The following COBL variants were observed in gnomAD, a reference collection of about 807,000 sequenced individuals.
COBL encodes protein cordon-bleu.
COBL carries 51 observed loss-of-function variants against 98.8 expected under a neutral mutation model. The ratio of observed to expected loss-of-function variants is 0.52; its 90% CI spans 0.41 to 0.65. COBL has a LOEUF of 0.65. Among genes scored for constraint, COBL ranks in the 30% least tolerant of loss-of-function variants. The pLI is 0.00. For missense variants in COBL, 1,617 were observed against 1,617.5 expected, an observed-to-expected ratio of 1.00 and a Z score of 0.01; for synonymous variants, 634 against 651.7, an observed-to-expected ratio of 0.97 and a Z score of 0.41.
chr7:51,219,623 T>C, intron 2 of COBL, 118 bp downstream of exon 2: 4 of 1,067,724 alleles, frequency 3.7e-6, no homozygotes, highest in Non-Finnish European at 5.5e-6. Context: ...ATCCATGAGG[T>C]TCCTGAGGTC....
chr7:51,099,361 T>C (rs942695304), intron 6 of COBL, among the ~76,000 whole-genome samples: 4 of 152,208 alleles, frequency 2.6e-5, no homozygotes, highest in African/African-American at 9.6e-5. Context: ...GCAACATAAA[T>C]ATCTATTGAT....
At chr7:51,212,934 C>T (rs1047569831) in intron 2 of COBL, among the ~76,000 whole-genome samples, 2 of 152,210 alleles carry the variant, frequency 1.3e-5, no homozygotes, top group Admixed American at 6.5e-5. Context: ...GTACCCAGGA[C>T]GTGCACACTT....
intron 10 of COBL, among the ~76,000 whole-genome samples, chr7:51,027,426 C>T (rs531205274): frequency 1.3e-5 from 2 of 152,312 alleles, no homozygotes; most frequent in East Asian, 3.9e-4. Context: ...TTCCTCTGGC[C>T]CTGTGGATGG....
chr7:51,297,024 G>C (rs1441642006), intron 1 of COBL, among the ~76,000 whole-genome samples: 1 of 152,140 alleles, frequency 6.6e-6, no homozygotes, highest in African/African-American at 2.4e-5. Flanking sequence ...TGAATCACCA[G>C]GGAAGCACCC....
chr7:51,293,892 G>C (rs1801140120), intron 1 of COBL, among the ~76,000 whole-genome samples: 1 of 152,128 alleles, frequency 6.6e-6, no homozygotes, highest in African/African-American at 2.4e-5. Flanking sequence ...AGTGCTCCCA[G>C]GTCGTCCCAT....
At chr7:51,249,641 T>C (rs1796545391) in intron 1 of COBL, among the ~76,000 whole-genome samples, 1 of 152,172 alleles carries the variant, frequency 6.6e-6, no homozygotes, top group Non-Finnish European at 1.5e-5. Flanking sequence ...TTACTTTTGC[T>C]CCTCAATAAA....
intron 5 of COBL, among the ~76,000 whole-genome samples, chr7:51,147,663 C>T (rs905599947): frequency 2.0e-5 from 3 of 152,128 alleles, no homozygotes; most frequent in Non-Finnish European, 4.4e-5. Flanking sequence ...TATGACCTAA[C>T]GCCCGCTTGG....
chr7:51,103,492 G>A (rs977360144), intron 6 of COBL, among the ~76,000 whole-genome samples: 37 of 151,990 alleles, frequency 2.4e-4, no homozygotes, highest in African/African-American at 7.5e-4. Flanking sequence ...GGTTCTCTCC[G>A]CCCTTTTTTG....
chr7:51,035,431 A>C (rs1222805806), intron 8 of COBL: 1 of 152,172 alleles, frequency 6.6e-6, no homozygotes, highest in Non-Finnish European at 1.5e-5. Flanking sequence ...TGCTAATGAC[A>C]ACCAAACCAA....
chr7:51,225,680 G>T (rs1794109406), intron 1 of COBL, among the ~76,000 whole-genome samples: 1 of 152,200 alleles, frequency 6.6e-6, no homozygotes, highest in African/African-American at 2.4e-5. Context: ...AGCTCTAAAT[G>T]ATTTTAGCTT....
chr7:51,020,092 T>C (rs1341055461), intron 12 of COBL, among the ~76,000 whole-genome samples: 1 of 152,194 alleles, frequency 6.6e-6, no homozygotes, highest in African/African-American at 2.4e-5. Flanking sequence ...AGACTGGAAC[T>C]CAGTTCAATA....
chr7:51,121,669 A>T (rs1344466019), intron 6 of COBL, among the ~76,000 whole-genome samples: 1 of 152,224 alleles, frequency 6.6e-6, no homozygotes, highest in Non-Finnish European at 1.5e-5. Flanking sequence ...ACCCAGCTTC[A>T]GTTTCCAAAT....
chr7:51,164,692 T>C (rs1787124140), intron 5 of COBL, among the ~76,000 whole-genome samples: 1 of 151,976 alleles, frequency 6.6e-6, no homozygotes. Flanking sequence ...CGGGTAATAG[T>C]AAGAACACAG....
intron 2 of COBL, among the ~76,000 whole-genome samples, chr7:51,207,787 C>T (rs1342556150): frequency 2.0e-5 from 3 of 152,250 alleles, no homozygotes; most frequent in African/African-American, 7.2e-5. Flanking sequence ...CTACAACCTC[C>T]ACCTCCCAGC....
At chr7:51,054,190 T>A (rs542710558) in intron 7 of COBL, among the ~76,000 whole-genome samples, 35 of 152,064 alleles carry the variant, frequency 2.3e-4, no homozygotes, top group African/African-American at 8.0e-4. Flanking sequence ...TCTCAATCAA[T>A]CAAACAAACA....
At chr7:51,156,103 C>T in intron 5 of COBL, 1 of 956,418 alleles carries the variant, frequency 1.0e-6, no homozygotes, top group South Asian at 4.8e-5. Context: ...AACAGAAATT[C>T]ATTGTGCTAA....
At position 51,161,635 on chromosome 7, in the gene COBL, T is replaced by TTGTC. The variant is rs112086535; in HGVS notation, c.783+22466_783+22467insGACA. Among the ~76,000 whole-genome samples the TTGTC allele has an allele frequency of 9.6e-3, 1,459 of 152,256 alleles. 21 individuals are homozygous for TTGTC. Among genetic ancestry groups the TTGTC allele is most frequent in the African/African-American group, 0.033 (1,378 of 41,534 alleles). On this transcript the variant is annotated intron_variant, in intron 5 of 12. Coordinates refer to ENST00000265136, the MANE Select transcript of COBL (RefSeq NM_015198.5). ...CAGGTTTATTTTGTTGTTTGCTTGT[T>TTGTC]TTATAAGGCAGTGATTTTTAACTCT...
intron 1 of COBL, among the ~76,000 whole-genome samples, chr7:51,303,171 G>A (rs903806070): frequency 1.3e-5 from 2 of 152,108 alleles, no homozygotes; most frequent in Admixed American, 6.5e-5. Context: ...TTTTACATTC[G>A]GATGCAGAGA....
intron 2 of COBL, among the ~76,000 whole-genome samples, chr7:51,216,974 A>G (rs1375130547): frequency 6.6e-6 from 1 of 152,258 alleles, no homozygotes; most frequent in Non-Finnish European, 1.5e-5. Flanking sequence ...TCCCAAAGCA[A>G]GGAGCTACTG....
Sources: gnomAD v4.1 joint callset for allele counts (sites outside exome capture counted in the v4.1 genomes callset) on GRCh38, gnomAD v4.1.1 for gene constraint, MANE v1.5 for transcripts, NCBI Gene and HGNC (gene_info 2026-07-23, HGNC 2026-07-21) for gene names.